Variants in ABCA12 observed in about 807,000 individuals in gnomAD.
ABCA12 encodes glucosylceramide transporter ABCA12.
ABCA12 carries 156 observed loss-of-function variants against 293.5 expected under a neutral mutation model. That is an observed-to-expected ratio of 0.53 (90% CI 0.47 to 0.61). The LOEUF is 0.61. ABCA12 is among the 20% of genes least tolerant of loss of function. The probability of loss-of-function intolerance (pLI) is 0.00; values close to 1 mark genes in which losing one functional copy is unlikely to be tolerated. For synonymous variants in ABCA12, 1,063 were observed against 1,108.0 expected (o/e 0.96, Z 0.81); for missense variants, 2,797 against 3,090.2 (o/e 0.91, Z 2.25).
At chr2:215,033,002 G>A (rs1400164833) in intron 8 of ABCA12, among the ~76,000 whole-genome samples, 3 of 152,120 alleles carry the variant, frequency 2.0e-5, no homozygotes, top group Non-Finnish European at 4.4e-5. Flanking sequence ...AAATCTCCTT[G>A]TCTGTCACCT....
In ABCA12 at chr2:214,955,274, C is replaced by T. The variant is rs774512656; in HGVS notation, c.6321G>A (p.Leu2107=). ...AAACAATGGAATTAATGCCAAAAAA[C>T]AAGTTGACACAGACGTAAGTGATGA... ...MAFITYVCVN[L]FFGINSIVSL... is the part of the protein sequence containing the mutation. Residue 2107 remains leucine (L), a synonymous_variant, in exon 43 of 53, where the codon TTG becomes TTA. Transcript: ENST00000272895. 3 of 1,614,096 alleles carry T rather than the reference C, an allele frequency of 1.9e-6. No individual in the cohort carries two copies. The highest frequency in any genetic ancestry group is 2.5e-6 in the Non-Finnish European group (3 of 1,179,980).
At chr2:214,999,096 G>C (rs765355742) in intron 22 of ABCA12, among the ~76,000 whole-genome samples, 8 of 152,156 alleles carry the variant, frequency 5.3e-5, no homozygotes, top group Non-Finnish European at 1.2e-4. Context: ...GGGAGCAGTG[G>C]GAGTTGAGGC....
chr2:214,933,498 A>G (rs1469878386), intron 52 of ABCA12, among the ~76,000 whole-genome samples: 1 of 152,230 alleles, frequency 6.6e-6, no homozygotes, highest in African/African-American at 2.4e-5. Context: ...AGATATAATC[A>G]AACTTTCTAT....
At chr2:214,998,377 C>T (rs187083921) in intron 22 of ABCA12, among the ~76,000 whole-genome samples, 242 of 152,226 alleles carry the variant, frequency 1.6e-3, no homozygotes, top group African/African-American at 5.5e-3. Flanking sequence ...AGGCTGGTCT[C>T]GAATTCCTGG....
In ABCA12 at chr2:214,983,730, G is replaced by A; in HGVS notation, c.4299C>T (p.Leu1433=). 1.2e-6 allele frequency: 2 copies of A among 1,614,072 alleles called. No individual in the cohort carries two copies. Among genetic ancestry groups the A allele is most frequent in the Non-Finnish European group, 1.7e-6 (2 of 1,179,984 alleles). ...CMQHDVLFSY[L]TTKEHLLLYG... ...ATAGGAGAAGGTGCTCCTTAGTAGTGAGGTAACTGAACAAGACGTCGTGCT... is the reference window on the plus strand; with the variant it reads ...ATAGGAGAAGGTGCTCCTTAGTAGTAAGGTAACTGAACAAGACGTCGTGCT... Residue 1433 remains leucine, a synonymous_variant, in exon 29 of 53, where the codon CTC becomes CTT. Transcript: ENST00000272895.
intron 6 of ABCA12, among the ~76,000 whole-genome samples, chr2:215,048,540 C>CCA (rs552279986): frequency 6.9e-6 from 1 of 143,932 alleles, no homozygotes; most frequent in African/African-American, 2.5e-5. Context: ...ACTAATAATA[C>CCA]AAAAAAAAAA....
At position 214,978,874 on chromosome 2, in the gene ABCA12, C is replaced by T. The variant is rs146836452; in HGVS notation, c.4907G>A (p.Arg1636Gln). The T allele has an allele frequency of 2.6e-5, 42 of 1,613,900 alleles. 1 individual carries two copies. In the East Asian group the frequency reaches 3.3e-4, roughly 13 times the overall value. Reference sequence around the variant, plus strand: ...GTCACCCATGCCATTGTCGAGTGCCCGTAGGAGTGACAGGTAGGCCCCTGA... The same window carrying T: ...GTCACCCATGCCATTGTCGAGTGCCTGTAGGAGTGACAGGTAGGCCCCTGA... ...KVSGAYLSLL[R>Q]ALDNGMGDLN... Residue 1636 changes from arginine to glutamine, a missense_variant, in exon 32 of 53, where the codon CGG becomes CAG. Around this residue, in one of 3 missense-constraint regions of ABCA12, gnomAD observed 2,130 missense variants for 2,427.0 expected, o/e 0.88. Transcript: ENST00000272895.
At chr2:215,054,690 G>C in intron 3 of ABCA12, 26 bp from the exon 4 acceptor site, 1 of 1,553,310 alleles carries the variant, frequency 6.4e-7, no homozygotes, top group Non-Finnish European at 8.9e-7. Context: ...CAAGAACTCT[G>C]TAACTTCTCC....
chr2:215,098,899 G>T (rs182969952), intron 2 of ABCA12, among the ~76,000 whole-genome samples: 5 of 152,244 alleles, frequency 3.3e-5, no homozygotes, highest in African/African-American at 1.2e-4. Context: ...TAAGGACACC[G>T]CGATGATGGG....
chr2:215,067,702 C>G (rs528769435), intron 2 of ABCA12, among the ~76,000 whole-genome samples: 1 of 152,074 alleles, frequency 6.6e-6, no homozygotes, highest in Non-Finnish European at 1.5e-5. Context: ...CAGGCAAAGG[C>G]AGTGAGGAGC....
At chr2:214,949,267 G>A (rs947358800) in intron 45 of ABCA12, 118 bp from the exon 46 acceptor site, 42 of 774,586 alleles carry the variant, frequency 5.4e-5, no homozygotes, top group Non-Finnish European at 7.8e-5. Flanking sequence ...TAAATCTCTG[G>A]AATTATTCAT....
At chr2:215,107,997 A>G (rs1702496923) in intron 2 of ABCA12, among the ~76,000 whole-genome samples, 1 of 152,174 alleles carries the variant, frequency 6.6e-6, no homozygotes, top group Non-Finnish European at 1.5e-5. Context: ...AAGTGAGGGC[A>G]AGGGCATGAG....
chr2:215,051,684 G>GGAGA (rs148312850), intron 5 of ABCA12, among the ~76,000 whole-genome samples: 2 of 141,372 alleles, frequency 1.4e-5, no homozygotes, highest in African/African-American at 2.6e-5. Context: ...AAGGTGAGTG[G>GGAGA]GAGAGAGAGA....
Position 215,127,785 on chromosome 2 carries a change from A to G in ABCA12, c.69+10355T>C, listed in dbSNP as rs1196103797. Among the ~76,000 whole-genome samples, 3 of 152,156 alleles carry G rather than the reference A, an allele frequency of 2.0e-5. No homozygotes were observed. The East Asian group carries it at 5.8e-4, about 29-fold the overall frequency. ...TAAGTGCATCATTTAGGCCATTTGC[A>G]TTCATTGTTGGTATTGAAATATGAG... On this transcript the variant is annotated intron_variant, in intron 1 of 52. Transcript: ENST00000272895.
intron 2 of ABCA12, among the ~76,000 whole-genome samples, chr2:215,102,883 G>A (rs1227556453): frequency 6.6e-6 from 1 of 152,128 alleles, no homozygotes; most frequent in African/African-American, 2.4e-5. Context: ...TGGTAACCCC[G>A]ATCCTGTTTT....
At chr2:215,080,523 C>G (rs1701917065) in intron 2 of ABCA12, among the ~76,000 whole-genome samples, 1 of 151,666 alleles carries the variant, frequency 6.6e-6, no homozygotes, top group South Asian at 2.1e-4. Flanking sequence ...AAAGATGCAA[C>G]TGAGTCAGAA....
Position 215,064,183 on chromosome 2 carries a change from A to G in ABCA12, c.200T>C (p.Phe67Ser). 2 of 1,612,864 alleles carry G rather than the reference A, an allele frequency of 1.2e-6. No homozygotes were observed. The highest frequency in any genetic ancestry group is 1.7e-6 in the Non-Finnish European group (2 of 1,179,182). ...GAGTAGGGTCTGCAGGAATGGAAAGAATCCAGTACTAGGAAGGTTTCGAGG... is the reference window on the plus strand; with the variant it reads ...GAGTAGGGTCTGCAGGAATGGAAAGGATCCAGTACTAGGAAGGTTTCGAGG... ...LAPRNLPSTG[F>S]FPFLQTLLCD... Residue 67 changes from phenylalanine to serine, a missense_variant, in exon 3 of 53, where the codon TTC (phenylalanine) becomes TCC (serine). Around this residue, in one of 3 missense-constraint regions of ABCA12, gnomAD observed 656 missense variants for 638.2 expected, o/e 1.03. Coordinates refer to ENST00000272895, the MANE Select transcript of ABCA12 (RefSeq NM_173076.3).
intron 3 of ABCA12, among the ~76,000 whole-genome samples, chr2:215,058,180 G>T (rs987496714): frequency 1.1e-4 from 16 of 151,992 alleles, no homozygotes; most frequent in African/African-American, 3.1e-4. Flanking sequence ...TGGTTTTCAA[G>T]TGTGGATAAT....
intron 8 of ABCA12, among the ~76,000 whole-genome samples, chr2:215,035,063 G>A (rs1036224514): frequency 4.6e-5 from 7 of 152,160 alleles, no homozygotes; most frequent in South Asian, 2.1e-4. Context: ...TTGGACCAGA[G>A]ACCCCAGTGC....
Sources: gnomAD v4.1 joint callset for allele counts (sites outside exome capture counted in the v4.1 genomes callset) on GRCh38, gnomAD v4.1.1 for gene constraint, gnomAD v4.1.1 regional missense constraint, MANE v1.5 for transcripts, NCBI Gene and HGNC (gene_info 2026-07-23, HGNC 2026-07-21) for gene names.